The following FHIT variants were observed in gnomAD, a reference collection of about 807,000 sequenced individuals.
FHIT encodes bis(5'-adenosyl)-triphosphatase.
In FHIT, 19 loss-of-function variants were observed where a neutral mutation model predicts 17.9. The observed-to-expected ratio is 1.06, with a 90% CI of 0.74 to 1.56. The LOEUF is 1.56. FHIT is among the 40% of genes most tolerant of loss of function. The probability of loss-of-function intolerance (pLI) is 0.00; values close to 1 mark genes in which losing one functional copy is unlikely to be tolerated. For synonymous variants in FHIT, 81 were observed against 69.7 expected (o/e 1.16, Z -0.81); for missense variants, 248 against 189.2 (o/e 1.31, Z -1.82).
intron 3 of FHIT, among the ~76,000 whole-genome samples, chr3:60,927,841 G>A (rs572830145): frequency 2.6e-5 from 4 of 152,370 alleles, no homozygotes; most frequent in African/African-American, 7.2e-5. Flanking sequence ...AGGCCATGAC[G>A]ATGATGGCGG....
chr3:60,588,558 C>T (rs1374168596), intron 4 of FHIT, among the ~76,000 whole-genome samples: 1 of 151,998 alleles, frequency 6.6e-6, no homozygotes, highest in Non-Finnish European at 1.5e-5. Context: ...GGCTGGGGGT[C>T]CCTGAGCCCA....
chr3:60,035,120 C>T (rs769772582), intron 5 of FHIT, among the ~76,000 whole-genome samples: 11 of 152,166 alleles, frequency 7.2e-5, no homozygotes, highest in Admixed American at 2.0e-4. Context: ...GGGAGAGTCT[C>T]CTCAGCCCAG....
At chr3:60,769,299 A>G (rs1559707886) in intron 4 of FHIT, among the ~76,000 whole-genome samples, 1 of 152,102 alleles carries the variant, frequency 6.6e-6, no homozygotes, top group Non-Finnish European at 1.5e-5. Context: ...TTATAGTGCT[A>G]TTTTCCCATA....
chr3:59,893,102 C>T (rs1449775337), intron 8 of FHIT, among the ~76,000 whole-genome samples: 1 of 152,204 alleles, frequency 6.6e-6, no homozygotes, highest in African/African-American at 2.4e-5. Flanking sequence ...TATCTTTATG[C>T]TGCAACATTT....
chr3:60,422,780 A>G (rs1559900928), intron 5 of FHIT, among the ~76,000 whole-genome samples: 1 of 152,092 alleles, frequency 6.6e-6, no homozygotes, highest in Non-Finnish European at 1.5e-5. Context: ...TTCTATCACA[A>G]ACTCCAAATA....
At chr3:60,213,886 C>T (rs920356469) in intron 5 of FHIT, among the ~76,000 whole-genome samples, 1 of 152,192 alleles carries the variant, frequency 6.6e-6, no homozygotes, top group Non-Finnish European at 1.5e-5. Flanking sequence ...GCATGCCTAT[C>T]TACATCTCCT....
At chr3:60,117,601 T>A (rs1253456998) in intron 5 of FHIT, among the ~76,000 whole-genome samples, 2 of 151,614 alleles carry the variant, frequency 1.3e-5, no homozygotes, top group African/African-American at 2.4e-5. Flanking sequence ...GGGAAAAATG[T>A]GAATTATGGT....
intron 5 of FHIT, among the ~76,000 whole-genome samples, chr3:60,400,490 A>C (rs1270542699): frequency 6.6e-6 from 1 of 152,176 alleles, no homozygotes; most frequent in Non-Finnish European, 1.5e-5. Flanking sequence ...TGTTCTAACA[A>C]TGTTGGTGTT....
At chr3:61,160,769 A>G (rs1020577510) in intron 2 of FHIT, among the ~76,000 whole-genome samples, 21 of 152,292 alleles carry the variant, frequency 1.4e-4, no homozygotes, top group African/African-American at 4.8e-4. Flanking sequence ...ATTTCTCTAC[A>G]TTTCTCTTTT....
chr3:60,029,287 A>G (rs1700881667), intron 5 of FHIT, among the ~76,000 whole-genome samples: 1 of 152,188 alleles, frequency 6.6e-6, no homozygotes. Context: ...GGTCATTTTT[A>G]TAGTCCCACA....
At chr3:60,317,654 A>T (rs1053598573) in intron 5 of FHIT, among the ~76,000 whole-genome samples, 2 of 143,966 alleles carry the variant, frequency 1.4e-5, no homozygotes, top group South Asian at 4.4e-4. Flanking sequence ...TATATATATA[A>T]TATTTTCCCC....
chr3:60,234,993 T>C (rs1375941325), intron 5 of FHIT, among the ~76,000 whole-genome samples: 2 of 152,128 alleles, frequency 1.3e-5, no homozygotes, highest in Non-Finnish European at 2.9e-5. Flanking sequence ...TGGGGCTACG[T>C]AGGTGACCCA....
At chr3:59,854,719 T>A (rs549263485) in intron 8 of FHIT, among the ~76,000 whole-genome samples, 2 of 152,290 alleles carry the variant, frequency 1.3e-5, no homozygotes, top group African/African-American at 4.8e-5. Context: ...AGATCTGGGA[T>A]TTGAACCGAG....
intron 5 of FHIT, among the ~76,000 whole-genome samples, chr3:60,405,799 T>C (rs905872885): frequency 6.6e-6 from 1 of 152,330 alleles, no homozygotes; most frequent in Admixed American, 6.5e-5. Flanking sequence ...CATTCTGCAA[T>C]GTACACAGCA....
Position 60,244,636 on chromosome 3 carries a change from TC to T in FHIT, c.104-230485del, listed in dbSNP as rs575857671. Among the ~76,000 whole-genome samples, 816 of 152,224 alleles carry T rather than the reference TC, an allele frequency of 5.4e-3. 10 individuals carry two copies. Among genetic ancestry groups the T allele is most frequent in the Non-Finnish European group, 6.6e-3 (448 of 67,978 alleles). On this transcript the variant is annotated intron_variant, in intron 5 of 9. Coordinates refer to ENST00000492590, the MANE Select transcript of FHIT (RefSeq NM_002012.4). ...GGCAATGAATTTCTGAATTGGGGCC[TC>T]AATGAGAAGTTTGATTTTTAGGATC... is the stretch of plus-strand genomic sequence containing the variant.
At position 60,076,298 on chromosome 3, in the gene FHIT, C is replaced by T. The variant is rs17062093; in HGVS notation, c.104-62146G>A. Among the ~76,000 whole-genome samples, 855 of 152,066 alleles carry T rather than the reference C, an allele frequency of 5.6e-3. 5 individuals carry two copies. Among genetic ancestry groups the T allele is most frequent in the African/African-American group, 0.019 (779 of 41,492 alleles). ...TTTATAAAGTCCAAACATCAAGTGTCGTAAATATTCTAAGTATTCAGAATG... is the reference window on the plus strand; with the variant it reads ...TTTATAAAGTCCAAACATCAAGTGTTGTAAATATTCTAAGTATTCAGAATG... On this transcript the variant is annotated intron_variant, in intron 5 of 9. Coordinates refer to ENST00000492590, the MANE Select transcript of FHIT (RefSeq NM_002012.4).
intron 5 of FHIT, among the ~76,000 whole-genome samples, chr3:60,298,382 G>C (rs375442812): frequency 6.6e-6 from 1 of 152,102 alleles, no homozygotes; most frequent in African/African-American, 2.4e-5. Context: ...TATCATATTA[G>C]CATTAAAAAA....
intron 4 of FHIT, among the ~76,000 whole-genome samples, chr3:60,586,799 T>C (rs781922419): frequency 1.3e-5 from 2 of 151,838 alleles, no homozygotes; most frequent in African/African-American, 2.4e-5. Context: ...TGATGAAAAC[T>C]CATGGATACA....
chr3:60,887,786 G>A (rs1465139170), intron 3 of FHIT, among the ~76,000 whole-genome samples: 2 of 152,222 alleles, frequency 1.3e-5, no homozygotes, highest in Non-Finnish European at 2.9e-5. Context: ...GGAATTTGGT[G>A]TGGGGGACAG....
Sources: gnomAD v4.1 joint callset for allele counts (sites outside exome capture counted in the v4.1 genomes callset) on GRCh38, gnomAD v4.1.1 for gene constraint, MANE v1.5 for transcripts, NCBI Gene and HGNC (gene_info 2026-07-23, HGNC 2026-07-21) for gene names.